The following LRP2 variants were observed in gnomAD, a reference collection of about 807,000 sequenced individuals.
The protein encoded by LRP2 is LDL receptor related protein 2, also known as low-density lipoprotein receptor-related protein 2.
Under a neutral mutation model 531.0 loss-of-function variants are expected in LRP2, and 172 were observed. The ratio of observed to expected loss-of-function variants is 0.32; its 90% confidence interval spans 0.29 to 0.37. The LOEUF is 0.37. LRP2 is among the 10% of genes least tolerant of loss of function. The pLI, the probability that LRP2 is intolerant of heterozygous loss-of-function variation, is 1.00. For missense variants in LRP2, 5,167 were observed against 5,868.3 expected (o/e 0.88, Z 3.90); for synonymous variants, 1,992 against 2,027.6 (o/e 0.98, Z 0.47).
intron 51 of LRP2, among the ~76,000 whole-genome samples, chr2:169,181,940 G>A (rs1687453030): frequency 6.6e-6 from 1 of 152,186 alleles, no homozygotes; most frequent in African/African-American, 2.4e-5. Flanking sequence ...TACAGGACTT[G>A]AAAAGTGCAA....
Position 169,226,501 on chromosome 2 carries a change from A to C in LRP2, c.5315T>G (p.Val1772Gly). 6.3e-7 allele frequency: 1 copy of C among 1,597,594 alleles called. No individual in the cohort carries two copies. Among genetic ancestry groups the C allele is most frequent in the Non-Finnish European group, 8.6e-7 (1 of 1,164,936 alleles). ...NPEVKSNDAM[V>G]PIAGIQNGLD... ...ACCATTCTGTATCCCTGCTATGGGGACCATAGCATCATTGCTCTTCACCTC... is the reference window on the plus strand; with the variant it reads ...ACCATTCTGTATCCCTGCTATGGGGCCCATAGCATCATTGCTCTTCACCTC... Residue 1772 changes from valine (V) to glycine (G), a missense_variant, in exon 32 of 79, where the codon GTC becomes GGC. Val to Gly is a moderately radical substitution (Grantham distance 109, BLOSUM62 -3). Transcript: ENST00000649046.
intron 1 of LRP2, among the ~76,000 whole-genome samples, chr2:169,351,825 G>T (rs769308605): frequency 1.3e-5 from 2 of 152,188 alleles, no homozygotes; most frequent in Non-Finnish European, 2.9e-5. Flanking sequence ...CCAGGATCAG[G>T]GCCTTGCCAA....
At chr2:169,174,700 G>T (rs1459672929) in intron 55 of LRP2, among the ~76,000 whole-genome samples, 1 of 151,776 alleles carries the variant, frequency 6.6e-6, no homozygotes, top group Non-Finnish European at 1.5e-5. Flanking sequence ...TGTAGAGACA[G>T]GCTTTTGCCA....
chr2:169,151,129 CTG>C, intron 67 of LRP2, 103 bp from the exon 68 acceptor site: 1 of 1,161,218 alleles, frequency 8.6e-7, no homozygotes, highest in Admixed American at 1.7e-5. Flanking sequence ...GGTGAGACAG[CTG>C]CTCAGATACC....
At chr2:169,294,014 C>T in intron 6 of LRP2, 134 bp downstream of exon 6, 1 of 723,212 alleles carries the variant, frequency 1.4e-6, no homozygotes, top group Non-Finnish European at 2.6e-6. Context: ...ATTCCATCTG[C>T]CATCAAACGT....
chr2:169,280,061 T>C (rs565966326), intron 11 of LRP2, among the ~76,000 whole-genome samples: 1 of 152,356 alleles, frequency 6.6e-6, no homozygotes, highest in African/African-American at 2.4e-5. Flanking sequence ...TACTACCAAA[T>C]ATCTATCCAG....
intron 32 of LRP2, 83 bp downstream of exon 32, chr2:169,226,338 CA>C: frequency 8.8e-7 from 1 of 1,137,902 alleles, no homozygotes; most frequent in Non-Finnish European, 1.3e-6. Flanking sequence ...ACTCACATGA[CA>C]AAAGTTTGCT....
chr2:169,280,228 A>C, intron 11 of LRP2, 122 bp downstream of exon 11: 1 of 1,051,574 alleles, frequency 9.5e-7, no homozygotes, highest in South Asian at 1.4e-5. Context: ...TTAACATAAA[A>C]TATCTCAAGG....
At chr2:169,225,144 T>C (rs1689155005) in intron 33 of LRP2, among the ~76,000 whole-genome samples, 166 bp downstream of exon 33, 1 of 151,838 alleles carries the variant, frequency 6.6e-6, no homozygotes, top group Non-Finnish European at 1.5e-5. Context: ...TTTAAGGTGG[T>C]TTTCCTCTTT....
Position 169,205,522 on chromosome 2 carries a change from G to T in LRP2, c.7672C>A (p.Leu2558Met). 6.2e-7 allele frequency: 1 copy of T among 1,614,066 alleles called. No individual in the cohort carries two copies. Among genetic ancestry groups the T allele is most frequent in the Non-Finnish European group, 8.5e-7 (1 of 1,180,000 alleles). The change falls in exon 41 of 79, where the codon CTG (leucine) becomes ATG (methionine). Residue 2558 changes from leucine (L) to methionine (M), a missense_variant. Coordinates refer to ENST00000649046, the MANE Select transcript of LRP2 (RefSeq NM_004525.3). ...SSLVMPSGLT[L>M]DYEEDLLYWV... Reference sequence around the variant, plus strand: ...TAGAGAAGGTCCTCTTCATAGTCCAGAGTCAGCCCACTGGGCATGACCAGA... The same window carrying T: ...TAGAGAAGGTCCTCTTCATAGTCCATAGTCAGCCCACTGGGCATGACCAGA...
intron 9 of LRP2, among the ~76,000 whole-genome samples, chr2:169,283,975 C>T (rs1683773748): frequency 1.3e-5 from 2 of 152,168 alleles, no homozygotes; most frequent in Non-Finnish European, 2.9e-5. Flanking sequence ...CACTCTCCAT[C>T]ATCCTTCACC....
chr2:169,211,113 G>A (rs79088404), intron 37 of LRP2, among the ~76,000 whole-genome samples: 1,604 of 152,278 alleles, frequency 0.011, 30 homozygotes, highest in African/African-American at 0.034. Flanking sequence ...ACAAAGATGA[G>A]TCATGGGTCC....
intron 65 of LRP2, among the ~76,000 whole-genome samples, chr2:169,155,766 T>C (rs1686306162): frequency 1.3e-5 from 2 of 152,204 alleles, no homozygotes; most frequent in Admixed American, 6.5e-5. Context: ...CCAGACTCCT[T>C]TCTGCCTGTG....
intron 68 of LRP2, among the ~76,000 whole-genome samples, chr2:169,150,525 T>A (rs1286522029): frequency 6.6e-6 from 1 of 152,162 alleles, no homozygotes; most frequent in African/African-American, 2.4e-5. Context: ...TATGACCAAA[T>A]CCCTAGCTGG....
In LRP2 at chr2:169,213,559, T is replaced by C. The variant is rs747344623; in HGVS notation, c.6040+98A>G. The C allele has an allele frequency of 3.7e-5, 36 of 962,658 alleles. 1 individual carries two copies. The highest frequency in any genetic ancestry group is 5.9e-5 in the Non-Finnish European group (35 of 589,670). 59.6% of individuals were successfully genotyped at this position (962,658 alleles called of 1,614,324 possible). On this transcript the variant is annotated intron_variant, in intron 36 of 78. Transcript: ENST00000649046. The stretch of plus-strand genomic sequence containing the variant: ...TAACTTCAATTTGTATGCACGTGTA[T>C]GTACGTGAAACTGTGTGTGGGTGTG...
rs1686200171 is a variant in LRP2, at chr2:169,152,963, A to G, written c.12297T>C (p.Ser4099=). ...CCCCTCGCACAGTGTAATACACAAC[A>G]CCTACAGAGGAAGACACACAGGTCA... ...YDWDPKDIGL[S]VVYYTVRGEG... The change falls in exon 67 of 79, where the codon AGT becomes AGC. Residue 4099 remains serine (S), a splice_region_variant and synonymous_variant. Coordinates refer to ENST00000649046, the MANE Select transcript of LRP2 (RefSeq NM_004525.3). The G allele has an allele frequency of 1.2e-6, 2 of 1,613,634 alleles. No homozygotes were observed. The highest frequency in any genetic ancestry group is 1.7e-6 in the Non-Finnish European group (2 of 1,179,890).
chr2:169,346,493 G>A (rs1025572405), intron 1 of LRP2, among the ~76,000 whole-genome samples: 2 of 152,046 alleles, frequency 1.3e-5, no homozygotes, highest in African/African-American at 4.8e-5. Flanking sequence ...TGGGACATGT[G>A]TATATTCAAT....
At chr2:169,151,048 T>C in intron 67 of LRP2, 22 bp from the exon 68 acceptor site, 1 of 1,613,534 alleles carries the variant, frequency 6.2e-7, no homozygotes, top group Non-Finnish European at 8.5e-7. Flanking sequence ...GGGACAAAGT[T>C]AAACAACTGC....
intron 10 of LRP2, among the ~76,000 whole-genome samples, chr2:169,281,424 A>T (rs1266575820): frequency 6.6e-6 from 1 of 151,858 alleles, no homozygotes; most frequent in Non-Finnish European, 1.5e-5. Flanking sequence ...CTCCATCTCA[A>T]AAATAAATAA....
Sources: allele counts gnomAD v4.1 joint callset (sites outside exome capture counted in the v4.1 genomes callset), GRCh38; gene constraint gnomAD v4.1.1; transcripts MANE v1.5; gene names NCBI Gene and HGNC (gene_info 2026-07-23, HGNC 2026-07-21).